HIRA: variants seen among roughly 807,000 people sequenced by gnomAD.
The protein encoded by HIRA is protein HIRA.
A neutral mutation model predicts 126.6 loss-of-function variants in HIRA; 13 were observed. The ratio of observed to expected loss-of-function variants is 0.10; its 90% CI spans 0.07 to 0.16. The LOEUF (loss-of-function observed/expected upper bound fraction) is 0.16. Among genes scored for constraint, HIRA ranks in the 10% least tolerant of loss-of-function variants. The pLI is 1.00. For synonymous variants in HIRA, 511 were observed against 520.0 expected, an observed-to-expected ratio of 0.98 and a Z score of 0.24; for missense variants, 834 against 1,314.4, an observed-to-expected ratio of 0.63 and a Z score of 5.65.
chr22:19,406,166 G>GA (rs1301572127), intron 4 of HIRA, among the ~76,000 whole-genome samples: 6 of 151,810 alleles, frequency 4.0e-5, no homozygotes, highest in Non-Finnish European at 5.9e-5. Context: ...TTATGTAAAG[G>GA]AAAAAAAACC....
At chr22:19,406,026 G>T (rs1569309301) in intron 4 of HIRA, 146 bp from the exon 5 acceptor site, 4 of 431,162 alleles carry the variant, frequency 9.3e-6, no homozygotes, top group Non-Finnish European at 1.6e-5. Flanking sequence ...AATAAAAGGG[G>T]CTGGTTAGGT....
chr22:19,392,036 C>T, intron 9 of HIRA, 65 bp downstream of exon 9: 1 of 906,632 alleles, frequency 1.1e-6, no homozygotes, highest in Non-Finnish European at 1.7e-6. Context: ...TCTCTTTCCT[C>T]CACTTGCTAC....
At chr22:19,359,166 G>C (rs945638881) in intron 18 of HIRA, among the ~76,000 whole-genome samples, 170 bp downstream of exon 18, 14 of 152,174 alleles carry the variant, frequency 9.2e-5, no homozygotes, top group Non-Finnish European at 1.6e-4. Flanking sequence ...GGGTGCTGCA[G>C]GGACTGAGAT....
At chr22:19,342,390 T>C (rs991420391) in intron 24 of HIRA, among the ~76,000 whole-genome samples, 4 of 152,162 alleles carry the variant, frequency 2.6e-5, no homozygotes, top group African/African-American at 9.7e-5. Context: ...GAAAACAGTA[T>C]GGGGACTCGT....
chr22:19,393,295 T>C (rs1438574341), intron 8 of HIRA, among the ~76,000 whole-genome samples: 2 of 152,224 alleles, frequency 1.3e-5, no homozygotes, highest in Non-Finnish European at 2.9e-5. Flanking sequence ...AAAAATTTAA[T>C]AAGTAATATT....
chr22:19,419,269 T>C (rs2089424653), intron 1 of HIRA, among the ~76,000 whole-genome samples: 1 of 152,188 alleles, frequency 6.6e-6, no homozygotes, highest in Non-Finnish European at 1.5e-5. Flanking sequence ...AGGCCAGACC[T>C]TGAGAGGAGA....
intron 1 of HIRA, among the ~76,000 whole-genome samples, chr22:19,418,325 G>A (rs529679956): frequency 2.0e-5 from 3 of 151,954 alleles, no homozygotes; most frequent in Non-Finnish European, 4.4e-5. Context: ...GGAGGTGGGT[G>A]TAATTATAAA....
At chr22:19,419,834 C>G (rs2089429158) in intron 1 of HIRA, among the ~76,000 whole-genome samples, 1 of 152,194 alleles carries the variant, frequency 6.6e-6, no homozygotes, top group East Asian at 1.9e-4. Context: ...GCTGTGGGGA[C>G]TCAGATTTCG....
intron 1 of HIRA, among the ~76,000 whole-genome samples, chr22:19,421,186 C>T (rs936200508): frequency 2.6e-5 from 4 of 151,854 alleles, no homozygotes; most frequent in African/African-American, 4.8e-5. Flanking sequence ...GTAATCCCAG[C>T]TAATCGGAAG....
At chr22:19,369,609 A>G (rs2146204668) in intron 15 of HIRA, among the ~76,000 whole-genome samples, 1 of 152,104 alleles carries the variant, frequency 6.6e-6, no homozygotes, top group Admixed American at 6.5e-5. Flanking sequence ...CACCACCCCT[A>G]ACCACTGCAT....
chr22:19,367,511 C>A (rs902817000), intron 15 of HIRA, among the ~76,000 whole-genome samples: 14 of 152,050 alleles, frequency 9.2e-5, no homozygotes, highest in African/African-American at 2.4e-4. Context: ...AGATTACAGG[C>A]ACGCACCACC....
chr22:19,387,923 G>T, intron 10 of HIRA, 107 bp from the exon 11 acceptor site: 1 of 371,692 alleles, frequency 2.7e-6, no homozygotes, highest in Non-Finnish European at 4.9e-6. Flanking sequence ...GGGAGATGCT[G>T]GAAACTCCTG....
intron 14 of HIRA, among the ~76,000 whole-genome samples, chr22:19,376,710 T>C (rs953595250): frequency 1.3e-5 from 2 of 152,220 alleles, no homozygotes; most frequent in Admixed American, 1.3e-4. Flanking sequence ...TGTTTGGGCA[T>C]GCCTTCACAG....
chr22:19,383,627 C>T lies in HIRA; in HGVS notation c.1408G>A (p.Asp470Asn). The change falls in exon 13 of 25, where the codon GAC becomes AAC. Residue 470 changes from aspartate (D) to asparagine (N), a missense_variant. Transcript: ENST00000263208. ...AGGGGAATGAACCAGTACCCAGTGT[C>T]CAGCTGTGCTATGCAGAGAGGCGTG... The part of the protein sequence containing the change: ...RITPLCIAQL[D>N]TGDFSTAFFN... 1 of 1,612,984 alleles carries T rather than the reference C, an allele frequency of 6.2e-7. No individual in the cohort carries two copies. The highest frequency in any genetic ancestry group is 1.1e-5 in the South Asian group (1 of 91,030).
At chr22:19,402,401 T>G (rs1156594842) in intron 5 of HIRA, among the ~76,000 whole-genome samples, 2 of 152,264 alleles carry the variant, frequency 1.3e-5, no homozygotes, top group African/African-American at 4.8e-5. Context: ...TTGGTAAGAT[T>G]ACTTATTCCT....
At chr22:19,427,081 G>A (rs1234978653) in intron 1 of HIRA, among the ~76,000 whole-genome samples, 1 of 152,194 alleles carries the variant, frequency 6.6e-6, no homozygotes, top group South Asian at 2.1e-4. Context: ...AACTTATTCA[G>A]AGCGGGGTTT....
intron 14 of HIRA, among the ~76,000 whole-genome samples, chr22:19,376,984 A>G (rs946135168): frequency 6.6e-5 from 10 of 152,200 alleles, no homozygotes; most frequent in African/African-American, 2.4e-4. Context: ...TCTGGGGAAA[A>G]GCCCAGACTA....
chr22:19,372,696 T>G (rs5993616), intron 15 of HIRA, among the ~76,000 whole-genome samples: 53,999 of 151,520 alleles, frequency 0.36, 11,729 homozygotes, highest in Non-Finnish European at 0.48. Context: ...CTCAGCCTAC[T>G]GAGTAGCTGG....
In HIRA at chr22:19,385,719, G is replaced by A. The variant is rs375823598; in HGVS notation, c.1131C>T (p.Ser377=). Residue 377 remains serine, a synonymous_variant, in exon 12 of 25, where the codon TCC becomes TCT. Transcript: ENST00000263208. ...SEEEKSRIHQ[S]TYGKSLAIMT... Reference sequence around the variant, plus strand: ...TGATGGCTAGGCTCTTGCCATAGGTGGACTGGTGAATGCGGCTCTGGGGAA... The same window carrying A: ...TGATGGCTAGGCTCTTGCCATAGGTAGACTGGTGAATGCGGCTCTGGGGAA... 8.1e-6 allele frequency: 13 copies of A among 1,613,686 alleles called. No homozygotes were observed. The highest frequency in any genetic ancestry group is 1.6e-4 in the Middle Eastern group (1 of 6,084).
Sources: allele counts gnomAD v4.1 joint callset (sites outside exome capture counted in the v4.1 genomes callset), GRCh38; gene constraint gnomAD v4.1.1; transcripts MANE v1.5; gene names NCBI Gene and HGNC (gene_info 2026-07-23, HGNC 2026-07-21).